ARHGAP10: variants seen among roughly 807,000 people sequenced by gnomAD.
The protein encoded by ARHGAP10 is Rho GTPase activating protein 10.
ARHGAP10 carries 87 observed loss-of-function variants against 108.6 expected under a neutral mutation model. The observed-to-expected ratio is 0.80, with a 90% CI of 0.67 to 0.96. The LOEUF is 0.96. Among genes scored for constraint, ARHGAP10 ranks in the 40% least tolerant of loss-of-function variants. The pLI is 0.00. For synonymous variants in ARHGAP10, 347 were observed against 341.1 expected, an observed-to-expected ratio of 1.02 and a Z score of -0.19; for missense variants, 939 against 954.5, an observed-to-expected ratio of 0.98 and a Z score of 0.21.
At chr4:148,012,117 G>A (rs954343250) in intron 18 of ARHGAP10, among the ~76,000 whole-genome samples, 1 of 152,180 alleles carries the variant, frequency 6.6e-6, no homozygotes, top group Non-Finnish European at 1.5e-5. Flanking sequence ...GTGGTTCTAT[G>A]CCTATTATCC....
At chr4:148,048,829 A>G (rs1729001321) in intron 20 of ARHGAP10, among the ~76,000 whole-genome samples, 1 of 152,150 alleles carries the variant, frequency 6.6e-6, no homozygotes, top group African/African-American at 2.4e-5. Flanking sequence ...TTTTGGTCAT[A>G]AATCAAATGA....
At chr4:147,957,630 C>T (rs952249909) in intron 16 of ARHGAP10, among the ~76,000 whole-genome samples, 1 of 152,138 alleles carries the variant, frequency 6.6e-6, no homozygotes, top group Non-Finnish European at 1.5e-5. Context: ...TTTGATTCTT[C>T]TCAGTCATGT....
chr4:147,795,344 T>G (rs757179686), intron 1 of ARHGAP10, among the ~76,000 whole-genome samples: 13 of 152,230 alleles, frequency 8.5e-5, no homozygotes, highest in Non-Finnish European at 1.6e-4. Flanking sequence ...CCTACGTTTG[T>G]CTTTTTATAC....
At position 147,732,305 on chromosome 4, in the gene ARHGAP10, G is replaced by A. The variant is rs1728245262; in HGVS notation, c.4G>A (p.Gly2Arg). The A allele has an allele frequency of 6.2e-7, 1 of 1,610,104 alleles. No individual in the cohort carries two copies. The highest frequency in any genetic ancestry group is 1.3e-5 in the African/African-American group (1 of 74,422). Residue 2 changes from glycine (G) to arginine (R), a missense_variant, in exon 1 of 23, where the codon GGG becomes AGG. Transcript: ENST00000336498. ...CCGCGCAGCGACCGCTGCCGTCATGGGGCTGCAGCCCCTGGAGTTCAGCGA... is the reference window on the plus strand; with the variant it reads ...CCGCGCAGCGACCGCTGCCGTCATGAGGCTGCAGCCCCTGGAGTTCAGCGA... M[G>R]LQPLEFSDCY...
chr4:147,779,153 G>C (rs1032391064), intron 1 of ARHGAP10, among the ~76,000 whole-genome samples: 6 of 152,166 alleles, frequency 3.9e-5, no homozygotes, highest in African/African-American at 1.4e-4. Flanking sequence ...AGGTTCCCAG[G>C]TGATGCTGAT....
At chr4:147,802,988 C>CT (rs1220943532) in intron 1 of ARHGAP10, among the ~76,000 whole-genome samples, 2 of 150,698 alleles carry the variant, frequency 1.3e-5, no homozygotes, top group South Asian at 4.1e-4. Flanking sequence ...CCTCTCTCCA[C>CT]TTTTTTTCCC....
chr4:147,913,379 A>T (rs1017208540), intron 13 of ARHGAP10, among the ~76,000 whole-genome samples: 5 of 152,214 alleles, frequency 3.3e-5, no homozygotes, highest in Non-Finnish European at 5.9e-5. Context: ...GAATTGTCTT[A>T]GTCTGTTAGA....
At chr4:147,907,503 GAAAA>G (rs1191167256) in intron 11 of ARHGAP10, among the ~76,000 whole-genome samples, 1 of 150,572 alleles carries the variant, frequency 6.6e-6, no homozygotes, top group African/African-American at 2.4e-5. Flanking sequence ...ATTGTTGAGG[GAAAA>G]AAAAAGAGAA....
chr4:147,845,355 C>T (rs999780654), intron 3 of ARHGAP10, among the ~76,000 whole-genome samples: 2 of 152,198 alleles, frequency 1.3e-5, no homozygotes, highest in African/African-American at 4.8e-5. Context: ...CTCTACTGAA[C>T]AGTAATTTCC....
At chr4:147,830,490 T>C (rs1037268984) in intron 3 of ARHGAP10, among the ~76,000 whole-genome samples, 18 of 151,100 alleles carry the variant, frequency 1.2e-4, no homozygotes, top group African/African-American at 4.4e-4. Context: ...ACTTTTTTTT[T>C]AAATGGTCAA....
chr4:147,849,332 A>G (rs1733766175), intron 4 of ARHGAP10, among the ~76,000 whole-genome samples: 2 of 152,104 alleles, frequency 1.3e-5, no homozygotes, highest in African/African-American at 2.4e-5. Flanking sequence ...ATTCTAGAAG[A>G]AACAGGAAAG....
chr4:147,855,295 A>G (rs1734038088), intron 4 of ARHGAP10, among the ~76,000 whole-genome samples: 1 of 152,248 alleles, frequency 6.6e-6, no homozygotes, highest in Middle Eastern at 3.2e-3. Flanking sequence ...TGTACTTCAC[A>G]GCATCAACTT....
At chr4:148,050,280 T>C (rs1729073912) in intron 20 of ARHGAP10, among the ~76,000 whole-genome samples, 1 of 151,924 alleles carries the variant, frequency 6.6e-6, no homozygotes, top group African/African-American at 2.4e-5. Context: ...TTTATAGAAA[T>C]GCTGCCTTTT....
rs1232535851 is a variant in ARHGAP10 at position 147,949,027 on chromosome 4, T to C, written c.1391+2323T>C. ...ATCCATTGTAGTGGTGGTATATTCTTTCTGTTGTTTCCCATCAGGTAGCCT... is the reference window on the plus strand; with the variant it reads ...ATCCATTGTAGTGGTGGTATATTCTCTCTGTTGTTTCCCATCAGGTAGCCT... On this transcript the variant is annotated intron_variant, in intron 15 of 22. Coordinates refer to ENST00000336498, the MANE Select transcript of ARHGAP10 (RefSeq NM_024605.4). Among the ~76,000 whole-genome samples, 8 of 152,122 alleles carry C rather than the reference T, an allele frequency of 5.3e-5. 1 individual carries two copies.
At chr4:148,013,695 A>G (rs1410261972) in intron 18 of ARHGAP10, among the ~76,000 whole-genome samples, 1 of 152,194 alleles carries the variant, frequency 6.6e-6, no homozygotes, top group Non-Finnish European at 1.5e-5. Context: ...CTCAAAAAAA[A>G]GGAAAAGTTA....
chr4:147,960,430 C>T (rs1422671198), intron 16 of ARHGAP10, among the ~76,000 whole-genome samples: 1 of 152,050 alleles, frequency 6.6e-6, no homozygotes, highest in Non-Finnish European at 1.5e-5. Context: ...TGGAAACAAT[C>T]TAAGTGTTCA....
intron 1 of ARHGAP10, among the ~76,000 whole-genome samples, chr4:147,782,933 A>T (rs943246202): frequency 6.1e-4 from 86 of 141,322 alleles, no homozygotes; most frequent in African/African-American, 2.1e-3. Flanking sequence ...TATAATATAT[A>T]AAATTATATA....
rs528072870 is a variant in ARHGAP10, at chr4:148,049,113, A to C, written c.2027+2062A>C. ...AAGGATTTACTGATGAGTGTGTATC[A>C]GTCCAGATTTGTCATTATGTTAGGA... On this transcript the variant is annotated intron_variant, in intron 20 of 22. Transcript: ENST00000336498. Among the ~76,000 whole-genome samples the C allele has an allele frequency of 7.2e-5, 11 of 152,242 alleles. No homozygotes were observed. The South Asian group carries it at 2.3e-3, about 32-fold the overall frequency.
intron 18 of ARHGAP10, among the ~76,000 whole-genome samples, chr4:147,990,174 A>T (rs28592193): frequency 0.013 from 2,029 of 152,218 alleles, 28 homozygotes; most frequent in African/African-American, 0.036. Flanking sequence ...TCATTATCTC[A>T]TTTGAATTCT....
Sources: gnomAD v4.1 joint callset for allele counts (sites outside exome capture counted in the v4.1 genomes callset) on GRCh38, gnomAD v4.1.1 for gene constraint, MANE v1.5 for transcripts, NCBI Gene and HGNC (gene_info 2026-07-23, HGNC 2026-07-21) for gene names.